Variants in CNNM2 observed in about 807,000 individuals in gnomAD.
The protein encoded by CNNM2 is metal transporter CNNM2.
A neutral mutation model predicts 66.9 loss-of-function variants in CNNM2; 12 were observed. The observed-to-expected ratio is 0.18, with a 90% CI of 0.11 to 0.29. CNNM2 has a LOEUF of 0.29. CNNM2 is among the 10% of genes least tolerant of loss of function. The pLI is 1.00. For missense variants in CNNM2, 705 were observed against 1,167.7 expected (o/e 0.60, Z 5.77); for synonymous variants, 557 against 501.8 (o/e 1.11, Z -1.47).
intron 1 of CNNM2, among the ~76,000 whole-genome samples, chr10:102,937,449 A>G (rs924941283): frequency 1.3e-5 from 2 of 152,198 alleles, no homozygotes; most frequent in African/African-American, 4.8e-5. Context: ...TAATCCCAAG[A>G]TACCTCTTAT....
At position 103,049,830 on chromosome 10, in the gene CNNM2, T is replaced by G. The variant is rs1332357521; in HGVS notation, c.1745T>G (p.Leu582Arg). Reference sequence around the variant, plus strand: ...GAAGAAATCATCAAATCTGAGATTCTTGATGAAACAGATTTATACAGTAAG... The same window carrying G: ...GAAGAAATCATCAAATCTGAGATTCGTGATGAAACAGATTTATACAGTAAG... ...VIEEIIKSEI[L>R]DETDLYTDNR... The change falls in exon 2 of 8, where the codon CTT (leucine) becomes CGT (arginine). Residue 582 changes from leucine to arginine, a missense_variant. Physicochemically the swap from Leu to Arg is moderately radical, Grantham distance 102. Transcript: ENST00000369878. 6.2e-7 allele frequency: 1 copy of G among 1,613,954 alleles called. No homozygotes were observed. The highest frequency in any genetic ancestry group is 8.5e-7 in the Non-Finnish European group (1 of 1,179,846).
chr10:103,074,198 G>C (rs1176179157), intron 6 of CNNM2, among the ~76,000 whole-genome samples: 1 of 152,120 alleles, frequency 6.6e-6, no homozygotes, highest in East Asian at 1.9e-4. Flanking sequence ...TGAGGCAAGA[G>C]AATTGCTTGA....
At chr10:103,071,405 G>A (rs896843298) in intron 5 of CNNM2, among the ~76,000 whole-genome samples, 2 of 152,246 alleles carry the variant, frequency 1.3e-5, no homozygotes, top group African/African-American at 4.8e-5. Flanking sequence ...GGCGCCAGCG[G>A]TTTGAGTCAG....
At chr10:103,074,105 C>T (rs961257540) in intron 6 of CNNM2, among the ~76,000 whole-genome samples, 13 of 151,194 alleles carry the variant, frequency 8.6e-5, no homozygotes, top group South Asian at 2.1e-4. Context: ...TTAGTCAACA[C>T]GGTGAAACCC....
At chr10:103,073,703 T>C (rs1231011642) in intron 6 of CNNM2, among the ~76,000 whole-genome samples, 1 of 150,444 alleles carries the variant, frequency 6.6e-6, no homozygotes, top group Non-Finnish European at 1.5e-5. Context: ...CTACTAAAAA[T>C]ACAAAAAAAT....
chr10:103,062,194 A>G (rs1480923276), intron 4 of CNNM2, among the ~76,000 whole-genome samples: 1 of 152,236 alleles, frequency 6.6e-6, no homozygotes, highest in African/African-American at 2.4e-5. Flanking sequence ...TGCCCGGCCC[A>G]TCCACACTCT....
At chr10:102,921,447 G>C (rs536672477) in intron 1 of CNNM2, among the ~76,000 whole-genome samples, 2 of 152,286 alleles carry the variant, frequency 1.3e-5, no homozygotes, top group Non-Finnish European at 2.9e-5. Flanking sequence ...GTCCTCTCTA[G>C]AACAGGATCA....
At position 102,941,660 on chromosome 10, in the gene CNNM2, C is replaced by A. The variant is rs571559021; in HGVS notation, c.1621+21559C>A. ...TAGCTTTGCAGCTTGCTCCCTCCTT[C>A]CTTCAGATCTGTACTCAGATATCCC... On this transcript the variant is annotated intron_variant, in intron 1 of 7. Transcript: ENST00000369878. Among the ~76,000 whole-genome samples, 12 of 152,338 alleles carry A rather than the reference C, an allele frequency of 7.9e-5. No individual in the cohort carries two copies. In the East Asian group the frequency reaches 2.3e-3, roughly 29 times the overall value.
chr10:102,999,182 C>G (rs868818898), intron 1 of CNNM2, among the ~76,000 whole-genome samples: 1 of 151,200 alleles, frequency 6.6e-6, no homozygotes, highest in Non-Finnish European at 1.5e-5. Context: ...GCCATTCTCC[C>G]GCCTCAGCCT....
At chr10:103,050,428 T>C (rs1473060572) in intron 2 of CNNM2, among the ~76,000 whole-genome samples, 1 of 151,864 alleles carries the variant, frequency 6.6e-6, no homozygotes, top group Admixed American at 6.6e-5. Flanking sequence ...TTCCAGCTAC[T>C]CTGGAGGCTA....
At position 103,085,811 on chromosome 10, in the gene CNNM2, A is replaced by ATACC; in HGVS notation, c.*8633_*8636dup. On this transcript the variant is annotated 3_prime_UTR_variant, in exon 8 of 8. Transcript: ENST00000369878. Reference sequence around the variant, plus strand: ...GTATATATTTTATTTTTGAGATCACATACCTTTGTTGGAATGAATCAGACT... The same window carrying ATACC: ...GTATATATTTTATTTTTGAGATCACATACCTACCTTTGTTGGAATGAATCAGACT... 6.6e-6 allele frequency: 1 copy of ATACC among 152,310 alleles called. No individual in the cohort carries two copies. The highest frequency in any genetic ancestry group is 2.1e-4 in the South Asian group (1 of 4,830). The allele number at this position is 152,310 out of a possible 1,614,324, so 9.4% of individuals were successfully genotyped here.
In CNNM2 at chr10:102,921,136, T is replaced by C. The variant is rs779683302; in HGVS notation, c.1621+1035T>C. 22 of 669,652 alleles carry C rather than the reference T, an allele frequency of 3.3e-5. No individual in the cohort carries two copies. Among genetic ancestry groups the C allele is most frequent in the Non-Finnish European group, 4.1e-5 (22 of 541,862 alleles). The allele number at this position is 669,652 out of a possible 1,614,324, so 41.5% of individuals were successfully genotyped here. A position where few individuals can be genotyped will look rare whatever the true frequency, so the allele number is the denominator to read the frequency against. On this transcript the variant is annotated intron_variant, in intron 1 of 7. Coordinates refer to ENST00000369878, the MANE Select transcript of CNNM2 (RefSeq NM_017649.5). ...AACAGGTAAATAGCAACTTGTACTA[T>C]TATTATTGAAGTTCTGAATGTTTCC...
chr10:102,977,383 A>C (rs940389774), intron 1 of CNNM2, among the ~76,000 whole-genome samples: 2 of 152,094 alleles, frequency 1.3e-5, no homozygotes, highest in Non-Finnish European at 2.9e-5. Context: ...AAAGTTTTGG[A>C]TTTTGGAGTA....
chr10:102,921,594 TA>T (rs1183528410), intron 1 of CNNM2, among the ~76,000 whole-genome samples: 1 of 152,220 alleles, frequency 6.6e-6, no homozygotes, highest in African/African-American at 2.4e-5. Flanking sequence ...CTAGGTGACA[TA>T]GCTTCTTTTG....
intron 1 of CNNM2, among the ~76,000 whole-genome samples, chr10:103,037,895 A>G (rs1016286529): frequency 2.6e-5 from 4 of 151,940 alleles, no homozygotes; most frequent in Non-Finnish European, 4.4e-5. Flanking sequence ...GCTGGAGTGC[A>G]GTGGTGCAAT....
chr10:103,027,702 T>G (rs2064734004), intron 1 of CNNM2, among the ~76,000 whole-genome samples: 1 of 152,198 alleles, frequency 6.6e-6, no homozygotes, highest in African/African-American at 2.4e-5. Flanking sequence ...AGATCCTGTT[T>G]CTATAGATAT....
At chr10:103,039,429 G>A (rs1323681181) in intron 1 of CNNM2, among the ~76,000 whole-genome samples, 5 of 152,064 alleles carry the variant, frequency 3.3e-5, no homozygotes, top group Admixed American at 6.6e-5. Context: ...GACCGATTGC[G>A]CCTGGCCTCT....
intron 1 of CNNM2, among the ~76,000 whole-genome samples, chr10:102,947,778 G>A (rs1012863291): frequency 1.3e-5 from 2 of 150,302 alleles, no homozygotes; most frequent in African/African-American, 2.4e-5. Context: ...CAGGCCAGGC[G>A]CGGTGGCTCA....
chr10:102,946,068 G>A (rs1846608160), intron 1 of CNNM2, among the ~76,000 whole-genome samples: 1 of 152,182 alleles, frequency 6.6e-6, no homozygotes, highest in Admixed American at 6.5e-5. Context: ...TGTGGAAAAT[G>A]CAAAGCCATT....
Sources: allele counts gnomAD v4.1 joint callset (sites outside exome capture counted in the v4.1 genomes callset), GRCh38; gene constraint gnomAD v4.1.1; transcripts MANE v1.5; gene names NCBI Gene and HGNC (gene_info 2026-07-23, HGNC 2026-07-21).